Variants in COL5A2 observed in about 807,000 individuals in gnomAD.
COL5A2 encodes the protein collagen type V alpha 2 chain, also known as collagen alpha-2(V) chain.
In COL5A2, 23 loss-of-function variants were observed where a neutral mutation model predicts 208.2. The observed-to-expected ratio is 0.11, with a 90% CI of 0.08 to 0.16. COL5A2 has a LOEUF of 0.16. COL5A2 is among the 10% of genes least tolerant of loss of function. COL5A2 has a pLI of 1.00. For synonymous variants in COL5A2, 625 were observed against 628.5 expected (o/e 0.99, Z 0.08); for missense variants, 1,590 against 1,956.4 (o/e 0.81, Z 3.53).
intron 1 of COL5A2, among the ~76,000 whole-genome samples, chr2:189,224,963 A>T (rs892073811): frequency 6.6e-6 from 1 of 152,184 alleles, no homozygotes; most frequent in African/African-American, 2.4e-5. Flanking sequence ...CACAGCAGGC[A>T]TGTCACGAAA....
chr2:189,287,509 A>G, the COL5A2 span, among the ~76,000 whole-genome samples: 2 of 152,110 alleles, frequency 1.3e-5, no homozygotes, highest in Non-Finnish European at 2.9e-5. Flanking sequence ...ATGAGCTCCC[A>G]CTATAATCCC....
At chr2:189,394,782 C>T in the COL5A2 span, among the ~76,000 whole-genome samples, 2 of 152,092 alleles carry the variant, frequency 1.3e-5, no homozygotes, top group Non-Finnish European at 2.9e-5. Context: ...AAAAGGTATA[C>T]AATAAAATGA....
chr2:189,236,300 T>C, the COL5A2 span, among the ~76,000 whole-genome samples: 1 of 151,770 alleles, frequency 6.6e-6, no homozygotes, highest in Non-Finnish European at 1.5e-5. Flanking sequence ...GTCTTGGCAA[T>C]ATCTGACACA....
the COL5A2 span, among the ~76,000 whole-genome samples, chr2:189,400,788 A>G: frequency 6.6e-6 from 1 of 152,230 alleles, no homozygotes; most frequent in African/African-American, 2.4e-5. Flanking sequence ...GATTAAAATT[A>G]TACAAGGACT....
the COL5A2 span, among the ~76,000 whole-genome samples, chr2:189,418,565 T>C: frequency 6.6e-6 from 1 of 152,210 alleles, no homozygotes; most frequent in Non-Finnish European, 1.5e-5. Flanking sequence ...CCTTGTAAGA[T>C]AGACATGGAC....
chr2:189,089,454 A>T (rs1390523066), intron 7 of COL5A2, among the ~76,000 whole-genome samples: 1 of 152,202 alleles, frequency 6.6e-6, no homozygotes, highest in African/African-American at 2.4e-5. Context: ...TTTATAAATA[A>T]ATTGGCAATT....
chr2:189,061,678 G>T, intron 29 of COL5A2, 63 bp from the exon 30 acceptor site: 1 of 1,169,434 alleles, frequency 8.6e-7, no homozygotes, highest in Non-Finnish European at 1.3e-6. Context: ...TCCTCTCTAC[G>T]TGAACCACTA....
At chr2:189,304,614 C>A in the COL5A2 span, among the ~76,000 whole-genome samples, 2 of 152,136 alleles carry the variant, frequency 1.3e-5, no homozygotes, top group African/African-American at 4.8e-5. Context: ...CACTCACTGT[C>A]ACAAGGACAG....
chr2:189,287,397 A>G, the COL5A2 span, among the ~76,000 whole-genome samples: 1 of 151,942 alleles, frequency 6.6e-6, no homozygotes, highest in African/African-American at 2.4e-5. Context: ...GCACAAGCAC[A>G]ATGGACACAG....
chr2:189,366,983 T>C, the COL5A2 span, among the ~76,000 whole-genome samples: 2 of 152,186 alleles, frequency 1.3e-5, no homozygotes, highest in Admixed American at 1.3e-4. Context: ...CTGTAAGTGT[T>C]GGCAGACGAT....
At chr2:189,393,039 A>C in the COL5A2 span, among the ~76,000 whole-genome samples, 1 of 152,218 alleles carries the variant, frequency 6.6e-6, no homozygotes, top group Non-Finnish European at 1.5e-5. Flanking sequence ...AAGAAAAAAA[A>C]CTTTACTGTA....
the COL5A2 span, among the ~76,000 whole-genome samples, chr2:189,320,251 C>T: frequency 6.6e-6 from 1 of 152,314 alleles, no homozygotes; most frequent in East Asian, 1.9e-4. Context: ...TTCTAAAAAT[C>T]AGAGCGCCTC....
chr2:189,053,027 A>G lies in COL5A2; in HGVS notation c.2554-9T>C, dbSNP rs535310173. Reference sequence around the variant, plus strand: ...GGCTGTCCGTCAGGACCCTATAAAAAATTATACAAACAAGCAATTGATTAT... The same window carrying G: ...GGCTGTCCGTCAGGACCCTATAAAAGATTATACAAACAAGCAATTGATTAT... On this transcript the variant is annotated splice_polypyrimidine_tract_variant and intron_variant, in intron 38 of 53. Coordinates refer to ENST00000374866, the MANE Select transcript of COL5A2 (RefSeq NM_000393.5). 11 of 1,605,494 alleles carry G rather than the reference A, an allele frequency of 6.9e-6. No homozygotes were observed. Among genetic ancestry groups the G allele is most frequent in the South Asian group, 5.5e-5 (5 of 90,830 alleles).
chr2:189,271,661 G>C, the COL5A2 span, among the ~76,000 whole-genome samples: 1 of 152,092 alleles, frequency 6.6e-6, no homozygotes, highest in East Asian at 1.9e-4. Context: ...TGATAAATGG[G>C]ATCTAATTAA....
At chr2:189,094,646 C>CACACA (rs1248564270) in intron 6 of COL5A2, among the ~76,000 whole-genome samples, 1 of 132,544 alleles carries the variant, frequency 7.5e-6, no homozygotes, top group Non-Finnish European at 1.7e-5. Flanking sequence ...CACACACACA[C>CACACA]ATAAATGTTA....
the COL5A2 span, among the ~76,000 whole-genome samples, chr2:189,279,719 T>C: frequency 6.6e-6 from 1 of 152,128 alleles, no homozygotes; most frequent in East Asian, 1.9e-4. Flanking sequence ...TCATTGCAAG[T>C]GTAACAGGAT....
At chr2:189,302,452 T>C in the COL5A2 span, among the ~76,000 whole-genome samples, 5,603 of 152,180 alleles carry the variant, frequency 0.037, 118 homozygotes, top group Admixed American at 0.05. Flanking sequence ...AGGTGGTAAG[T>C]GGCAGGGCTC....
At chr2:189,102,655 A>T (rs563588917) in intron 3 of COL5A2, among the ~76,000 whole-genome samples, 1 of 152,068 alleles carries the variant, frequency 6.6e-6, no homozygotes, top group African/African-American at 2.4e-5. Context: ...ATTACCATGG[A>T]AGCAGTTATA....
At chr2:189,191,748 TA>T (rs1204341227) in intron 1 of COL5A2, among the ~76,000 whole-genome samples, 2 of 152,200 alleles carry the variant, frequency 1.3e-5, no homozygotes, top group East Asian at 3.8e-4. Context: ...ATAATGTATA[TA>T]TTTATCATTA....
Sources: gnomAD v4.1 joint callset for allele counts (sites outside exome capture counted in the v4.1 genomes callset) on GRCh38, gnomAD v4.1.1 for gene constraint, MANE v1.5 for transcripts, NCBI Gene and HGNC (gene_info 2026-07-23, HGNC 2026-07-21) for gene names.